The following ETV6 variants were observed in gnomAD, a reference collection of about 807,000 sequenced individuals.
ETV6 encodes the protein transcription factor ETV6.
A neutral mutation model predicts 51.1 loss-of-function variants in ETV6; 16 were observed. The observed-to-expected ratio is 0.31, with a 90% CI of 0.21 to 0.48. The LOEUF is 0.48. ETV6 is among the 20% of genes least tolerant of loss of function. The pLI is 0.99. For missense variants in ETV6, 458 were observed against 594.8 expected, an observed-to-expected ratio of 0.77 and a Z score of 2.39; for synonymous variants, 240 against 224.1, an observed-to-expected ratio of 1.07 and a Z score of -0.64.
At chr12:11,825,816 A>G (rs1317376189) in intron 2 of ETV6, 1 of 151,892 alleles carries the variant, frequency 6.6e-6, no homozygotes, top group Non-Finnish European at 1.5e-5. Context: ...TCTTGCCAAC[A>G]ACAGTAGAAA....
At chr12:11,846,555 G>A (rs1442958927) in intron 3 of ETV6, among the ~76,000 whole-genome samples, 1 of 151,930 alleles carries the variant, frequency 6.6e-6, no homozygotes, top group African/African-American at 2.4e-5. Context: ...CACTTTCACT[G>A]ATAATTCTAT....
chr12:11,664,141 A>G (rs1351759676), intron 1 of ETV6, among the ~76,000 whole-genome samples: 3 of 152,202 alleles, frequency 2.0e-5, no homozygotes, highest in Admixed American at 6.5e-5. Flanking sequence ...TTCAGGTGAC[A>G]TAGTTGAACA....
chr12:11,734,928 A>G (rs1408883128), intron 1 of ETV6, among the ~76,000 whole-genome samples: 2 of 152,122 alleles, frequency 1.3e-5, no homozygotes, highest in Non-Finnish European at 1.5e-5. Context: ...CGTGGTCCCT[A>G]ATGGTCTTTT....
At chr12:11,819,359 T>C (rs1360075961) in intron 2 of ETV6, among the ~76,000 whole-genome samples, 1 of 152,198 alleles carries the variant, frequency 6.6e-6, no homozygotes, top group Non-Finnish European at 1.5e-5. Context: ...TTCCCTCCTT[T>C]AAGAATACAC....
rs112297345 is a variant in ETV6, at chr12:11,779,978, T to C, written c.163+27399T>C. 6.0e-4 allele frequency among the ~76,000 whole-genome samples: 91 copies of C among 152,318 alleles called. 1 individual carries two copies. Among genetic ancestry groups the C allele is most frequent in the Non-Finnish European group, 1.3e-3 (87 of 68,022 alleles). The stretch of plus-strand genomic sequence containing the variant: ...GCAATTACAAATAGATGACATGACT[T>C]TTTAAAAGGTTTTGCCCATATTTTT... On this transcript the variant is annotated intron_variant, in intron 2 of 7. Coordinates refer to ENST00000396373, the MANE Select transcript of ETV6 (RefSeq NM_001987.5).
chr12:11,891,792 C>T lies in ETV6; in HGVS notation c.*746C>T, dbSNP rs372192477. 3 of 347,792 alleles carry T rather than the reference C, an allele frequency of 8.6e-6. No homozygotes were observed. The highest frequency in any genetic ancestry group is 3.4e-5 in the South Asian group (1 of 29,718). The allele number at this position is 347,792 out of a possible 1,614,324, so 21.5% of individuals were successfully genotyped here. A position where few individuals can be genotyped will look rare whatever the true frequency, so the allele number is the denominator to read the frequency against. On this transcript the variant is annotated 3_prime_UTR_variant, in exon 8 of 8. Transcript: ENST00000396373. ...TGGCACCTAAACAGAATCAGTGACC[C>T]GGGTGCTTTGTGGCCAGCAGCACAG... is the stretch of plus-strand genomic sequence containing the variant.
At chr12:11,718,627 A>C (rs1287644743) in intron 1 of ETV6, among the ~76,000 whole-genome samples, 2 of 148,338 alleles carry the variant, frequency 1.3e-5, no homozygotes, top group Non-Finnish European at 3.0e-5. Flanking sequence ...AAAAAAAATT[A>C]GTTGGGCATG....
At chr12:11,853,783 T>C (rs1472006812) in intron 4 of ETV6, among the ~76,000 whole-genome samples, 1 of 152,048 alleles carries the variant, frequency 6.6e-6, no homozygotes, top group Non-Finnish European at 1.5e-5. Context: ...AGCGTAACCA[T>C]ATAGTAGGCA....
At chr12:11,789,882 A>G (rs945362136) in intron 2 of ETV6, among the ~76,000 whole-genome samples, 1 of 152,024 alleles carries the variant, frequency 6.6e-6, no homozygotes, top group Non-Finnish European at 1.5e-5. Flanking sequence ...CTGCAGTTTT[A>G]CAGTAATGTG....
At chr12:11,889,747 G>A (rs1947258511) in intron 7 of ETV6, among the ~76,000 whole-genome samples, 1 of 152,240 alleles carries the variant, frequency 6.6e-6, no homozygotes, top group African/African-American at 2.4e-5. Flanking sequence ...AAAGATGGCA[G>A]AAAGACCCGA....
At chr12:11,770,637 T>C (rs1945229689) in intron 2 of ETV6, among the ~76,000 whole-genome samples, 1 of 152,218 alleles carries the variant, frequency 6.6e-6, no homozygotes, top group Non-Finnish European at 1.5e-5. Context: ...TTGGAGGAAA[T>C]TAAAATAAAC....
chr12:11,893,669 C>A lies in ETV6; in HGVS notation c.*2623C>A, dbSNP rs1405934029. 1 of 228,496 alleles carries A rather than the reference C, an allele frequency of 4.4e-6. No individual in the cohort carries two copies. Among genetic ancestry groups the A allele is most frequent in the Non-Finnish European group, 8.7e-6 (1 of 115,446 alleles). The allele number at this position is 228,496 out of a possible 1,614,324, so 14.2% of individuals were successfully genotyped here. On this transcript the variant is annotated 3_prime_UTR_variant, in exon 8 of 8. Transcript: ENST00000396373. ...TTTCTTATGGTTCAATGTACACAAA[C>A]TGTTTTATATAGAAAATGATTTCAA... is the stretch of plus-strand genomic sequence containing the variant.
intron 1 of ETV6, among the ~76,000 whole-genome samples, chr12:11,708,837 C>A (rs1458283951): frequency 6.6e-6 from 1 of 152,186 alleles, no homozygotes; most frequent in Admixed American, 6.5e-5. Flanking sequence ...GTTACTCAGA[C>A]ACTCACTCAG....
At chr12:11,829,923 C>G (rs1357553286) in intron 2 of ETV6, among the ~76,000 whole-genome samples, 1 of 152,160 alleles carries the variant, frequency 6.6e-6, no homozygotes, top group South Asian at 2.1e-4. Flanking sequence ...GGTCAGATAG[C>G]ACATTCAAGA....
intron 1 of ETV6, among the ~76,000 whole-genome samples, chr12:11,700,091 C>T (rs1052136174): frequency 6.6e-6 from 1 of 152,162 alleles, no homozygotes; most frequent in Admixed American, 6.5e-5. Flanking sequence ...CTTTCAGTGC[C>T]TTGCATGAGG....
intron 2 of ETV6, among the ~76,000 whole-genome samples, chr12:11,764,023 G>A (rs1412218263): frequency 6.6e-6 from 1 of 152,144 alleles, no homozygotes; most frequent in African/African-American, 2.4e-5. Flanking sequence ...GAATGACCAG[G>A]GTGCCTGAAA....
intron 2 of ETV6, among the ~76,000 whole-genome samples, chr12:11,811,763 G>C (rs1447153936): frequency 1.3e-5 from 2 of 152,132 alleles, no homozygotes; most frequent in African/African-American, 4.8e-5. Context: ...TGTGAGTTGG[G>C]ATCCAGTTTC....
At chr12:11,793,057 A>G (rs960661363) in intron 2 of ETV6, among the ~76,000 whole-genome samples, 2 of 152,196 alleles carry the variant, frequency 1.3e-5, no homozygotes, top group South Asian at 2.1e-4. Flanking sequence ...GTCTGTTTTT[A>G]AGGAATAGTT....
At chr12:11,768,885 T>C in intron 2 of ETV6, 2 of 467,394 alleles carry the variant, frequency 4.3e-6, no homozygotes, top group Admixed American at 4.6e-5. Context: ...TGACTGCCTC[T>C]TTCTCCTTGT....
Sources: allele counts gnomAD v4.1 joint callset (sites outside exome capture counted in the v4.1 genomes callset), GRCh38; gene constraint gnomAD v4.1.1; transcripts MANE v1.5; gene names NCBI Gene and HGNC (gene_info 2026-07-23, HGNC 2026-07-21).